NCBP3: variants seen among roughly 807,000 people sequenced by gnomAD.
NCBP3 encodes nuclear cap binding subunit 3.
In NCBP3, 20 loss-of-function variants were observed where a neutral mutation model predicts 75.7. That is an observed-to-expected ratio of 0.26 (90% confidence interval 0.19 to 0.38). NCBP3 has a LOEUF of 0.38. Ranked by LOEUF, NCBP3 falls within the 10% of genes least tolerant of loss-of-function variation. The probability of loss-of-function intolerance (pLI) is 1.00; values close to 1 mark genes in which losing one functional copy is unlikely to be tolerated. For synonymous variants in NCBP3, 293 were observed against 290.5 expected (o/e 1.01, Z -0.09); for missense variants, 678 against 796.9 (o/e 0.85, Z 1.80).
At chr17:3,830,735 G>C (rs1220072169) in intron 3 of NCBP3, among the ~76,000 whole-genome samples, 2 of 151,904 alleles carry the variant, frequency 1.3e-5, no homozygotes, top group Non-Finnish European at 2.9e-5. Context: ...CTATAGGAGC[G>C]TACCACCACA....
chr17:3,821,887 A>T, intron 8 of NCBP3, 66 bp downstream of exon 8: 1 of 1,025,424 alleles, frequency 9.8e-7, no homozygotes, highest in South Asian at 1.4e-5. Flanking sequence ...ACATTTCACC[A>T]CGGAATACCA....
At chr17:3,819,284 G>A (rs866879298) in intron 9 of NCBP3, among the ~76,000 whole-genome samples, 2 of 152,158 alleles carry the variant, frequency 1.3e-5, no homozygotes, top group Non-Finnish European at 2.9e-5. Context: ...TGGGCCCAGC[G>A]CGGTGGCTCA....
At chr17:3,814,170 A>T (rs1378071219) in intron 12 of NCBP3, 152 bp downstream of exon 12, 1 of 767,154 alleles carries the variant, frequency 1.3e-6, no homozygotes, top group Non-Finnish European at 2.1e-6. Context: ...GCTGATGCTG[A>T]TGCTGACGAT....
rs922728657 is a variant in NCBP3 at position 3,802,962 on chromosome 17, G to A, written c.*10082C>T. 1 of 152,244 alleles carries A rather than the reference G, an allele frequency of 6.6e-6. No individual in the cohort carries two copies. Among genetic ancestry groups the A allele is most frequent in the Admixed American group, 6.5e-5 (1 of 15,284 alleles). The allele number at this position is 152,244 out of a possible 1,614,324, so 9.4% of individuals were successfully genotyped here. ...GACTCATCCTGCATCCATCCAGTAT[G>A]TATTTATCCAAGCGTCAGTGCCTCT... is the stretch of plus-strand genomic sequence containing the variant. On this transcript the variant is annotated 3_prime_UTR_variant, in exon 13 of 13. Coordinates refer to ENST00000389005, the MANE Select transcript of NCBP3 (RefSeq NM_001114118.3).
At chr17:3,827,430 T>C (rs2053808229) in intron 4 of NCBP3, among the ~76,000 whole-genome samples, 1 of 152,232 alleles carries the variant, frequency 6.6e-6, no homozygotes, top group Non-Finnish European at 1.5e-5. Context: ...ACGTGGATGA[T>C]GAAGGTATCC....
At chr17:3,828,395 A>C (rs2053823817) in intron 4 of NCBP3, among the ~76,000 whole-genome samples, 1 of 152,232 alleles carries the variant, frequency 6.6e-6, no homozygotes, top group Non-Finnish European at 1.5e-5. Flanking sequence ...AAGGTCTGCC[A>C]ATTCCCGATT....
At position 3,818,463 on chromosome 17, in the gene NCBP3, C is replaced by T. The variant is rs762032858; in HGVS notation, c.1110G>A (p.Val370=). 1 of 1,614,050 alleles carries T rather than the reference C, an allele frequency of 6.2e-7. No individual in the cohort carries two copies. The highest frequency in any genetic ancestry group is 8.5e-7 in the Non-Finnish European group (1 of 1,180,024). Residue 370 remains valine (V), a synonymous_variant, in exon 10 of 13, where the codon GTG becomes GTA. Transcript: ENST00000389005. The surrounding 1 kb of genome is among the most constrained non-coding windows in gnomAD (Gnocchi z 4.7). ...CCGGGAGCTCCTCGTGGTACTCTAC[C>T]ACCACTCTGTCATCTGCATCCATGT... ...DQDMDADDRV[V]VEYHEELPAL... is the part of the protein sequence containing the mutation.
At position 3,846,210 on chromosome 17, in the gene NCBP3, C is replaced by T. The variant is rs1597420971; in HGVS notation, c.14G>A (p.Arg5Gln). 2.1e-6 allele frequency: 3 copies of T among 1,449,020 alleles called. No individual in the cohort carries two copies. The highest frequency in any genetic ancestry group is 2.7e-6 in the Non-Finnish European group (3 of 1,106,170). The allele number at this position is 1,449,020 out of a possible 1,614,324, so 89.8% of individuals were successfully genotyped here. A position where few individuals can be genotyped will look rare whatever the true frequency, so the allele number is the denominator to read the frequency against. ...CGCCTTCACCGACACCCGCAGGCCC[C>T]GTACGGCCGCCATCGCTGCCTGCCG... is the stretch of plus-strand genomic sequence containing the variant. MAAV[R>Q]GLRVSVKAEA... is the part of the protein sequence containing the mutation. Residue 5 changes from arginine (R) to glutamine (Q), a missense_variant, in exon 1 of 13, where the codon CGG (arginine) becomes CAG (glutamine). By Grantham distance (43) the Arg-to-Gln change is conservative. Transcript: ENST00000389005. The surrounding 1 kb of genome is among the most constrained non-coding windows in gnomAD (Gnocchi z 4.6).
chr17:3,816,276 A>G lies in NCBP3; in HGVS notation c.1311-6T>C. ...TATCTGCCCTCATGGAGTTCCTTTA[A>G]AAAGGGGGTAGGATGGGGCACAGTT... On this transcript the variant is annotated splice_polypyrimidine_tract_variant and splice_region_variant and intron_variant, in intron 10 of 12. Coordinates refer to ENST00000389005, the MANE Select transcript of NCBP3 (RefSeq NM_001114118.3). 3.1e-6 allele frequency: 5 copies of G among 1,612,222 alleles called. No homozygotes were observed. The highest frequency in any genetic ancestry group is 4.2e-6 in the Non-Finnish European group (5 of 1,179,176).
chr17:3,814,301 T>C (rs1268582565), intron 12 of NCBP3, 21 bp downstream of exon 12: 1 of 1,612,168 alleles, frequency 6.2e-7, no homozygotes, highest in Non-Finnish European at 8.5e-7. Flanking sequence ...CCCATTCCCA[T>C]CCGTTTTAAG....
rs1383490381 is a variant in NCBP3 at position 3,812,882 on chromosome 17, T to C, written c.*162A>G. 8.3e-6 allele frequency: 12 copies of C among 1,441,680 alleles called. No homozygotes were observed. The highest frequency in any genetic ancestry group is 2.6e-4 in the Middle Eastern group (1 of 3,884). The allele number at this position is 1,441,680 out of a possible 1,614,324, so 89.3% of individuals were successfully genotyped here. On this transcript the variant is annotated 3_prime_UTR_variant, in exon 13 of 13. Transcript: ENST00000389005. ...AAAGATAGAGATGCCCTTGAAAATG[T>C]GTCACATTCTTAAGATGTCTTGCCG...
chr17:3,838,738 C>T (rs374495361), intron 3 of NCBP3, among the ~76,000 whole-genome samples: 23 of 152,346 alleles, frequency 1.5e-4, no homozygotes, highest in Middle Eastern at 3.4e-3. Flanking sequence ...ATTTATTAAA[C>T]TTCTTTGAGC....
rs768720440 is a variant in NCBP3, at chr17:3,818,340, A to C, written c.1233T>G (p.Ile411Met). The C allele has an allele frequency of 2.9e-5, 47 of 1,614,040 alleles. 1 individual carries two copies. In the South Asian group the frequency reaches 5.1e-4, roughly 17 times the overall value. The change falls in exon 10 of 13, where the codon ATT becomes ATG. Residue 411 changes from isoleucine to methionine, a missense_variant. By Grantham distance (10) the Ile-to-Met change is conservative. This residue lies in a region of NCBP3 where 365 missense variants were observed against 392.7 expected (regional missense o/e 0.93). Coordinates refer to ENST00000389005, the MANE Select transcript of NCBP3 (RefSeq NM_001114118.3). The surrounding 1 kb of genome is among the most constrained non-coding windows in gnomAD (Gnocchi z 4.7). ...EMDYDLELKM[I>M]STPSPKKSMK... is the part of the protein sequence containing the mutation. ...TGCTTTTCTTTGGTGAAGGCGTGGA[A>C]ATCATTTTCAGTTCTAGATCATAGT...
chr17:3,822,080 G>T, intron 7 of NCBP3, 28 bp from the exon 8 acceptor site: 5 of 1,432,800 alleles, frequency 3.5e-6, no homozygotes, highest in Non-Finnish European at 3.9e-6. Context: ...TAGTTACCTA[G>T]GATTTCCTGT....
chr17:3,810,837 C>A lies in NCBP3; in HGVS notation c.*2207G>T, dbSNP rs576834592. 6.6e-6 allele frequency: 1 copy of A among 152,380 alleles called. No individual in the cohort carries two copies. Among genetic ancestry groups the A allele is most frequent in the South Asian group, 2.1e-4 (1 of 4,822 alleles). The allele number at this position is 152,380 out of a possible 1,614,324, so 9.4% of individuals were successfully genotyped here. A position where few individuals can be genotyped will look rare whatever the true frequency, so the allele number is the denominator to read the frequency against. On this transcript the variant is annotated 3_prime_UTR_variant, in exon 13 of 13. Transcript: ENST00000389005. The stretch of plus-strand genomic sequence containing the variant: ...CTCCTTCCAGAATGGCTTCGCTGAT[C>A]TGTAGCAGGAGACTGCTGAGTGCTG...
chr17:3,813,355 T>C, intron 12 of NCBP3, 76 bp from the exon 13 acceptor site: 1 of 1,525,444 alleles, frequency 6.6e-7, no homozygotes, highest in East Asian at 2.3e-5. Flanking sequence ...GCAGCAGCAC[T>C]GCCAACACCT....
At chr17:3,820,479 TA>T (rs1402397078) in intron 9 of NCBP3, among the ~76,000 whole-genome samples, 1 of 151,956 alleles carries the variant, frequency 6.6e-6, no homozygotes, top group Admixed American at 6.6e-5. Flanking sequence ...TCTTTTACAA[TA>T]AGCACCAAAA....
Position 3,813,045 on chromosome 17 carries a change from C to T in NCBP3, c.1862G>A (p.Ter621=). 2 of 1,614,154 alleles carry T rather than the reference C, an allele frequency of 1.2e-6. No individual in the cohort carries two copies. Among genetic ancestry groups the T allele is most frequent in the South Asian group, 1.1e-5 (1 of 91,068 alleles). ...CAGCTGCCATAGGCCCCAGGGGCATCAGGACTCTGCCTCTGAACCAGAGCT... is the reference window on the plus strand; with the variant it reads ...CAGCTGCCATAGGCCCCAGGGGCATTAGGACTCTGCCTCTGAACCAGAGCT... ...ESSSGSEAES[*] The change falls in exon 13 of 13, where the codon TGA becomes TAA. Residue 621 remains the stop codon, a stop_retained_variant. Coordinates refer to ENST00000389005, the MANE Select transcript of NCBP3 (RefSeq NM_001114118.3).
rs1336148550 is a variant in NCBP3 at position 3,809,967 on chromosome 17, G to A, written c.*3077C>T. 1.3e-5 allele frequency: 2 copies of A among 152,170 alleles called. No homozygotes were observed. The allele number at this position is 152,170 out of a possible 1,614,324, so 9.4% of individuals were successfully genotyped here. ...TATCCAGAACAGGCAAATCCACAGAGAGAGAAGGAAGATCAGTGGTGGCCA... is the reference window on the plus strand; with the variant it reads ...TATCCAGAACAGGCAAATCCACAGAAAGAGAAGGAAGATCAGTGGTGGCCA... On this transcript the variant is annotated 3_prime_UTR_variant, in exon 13 of 13. Coordinates refer to ENST00000389005, the MANE Select transcript of NCBP3 (RefSeq NM_001114118.3).
Sources: gnomAD v4.1 joint callset for allele counts (sites outside exome capture counted in the v4.1 genomes callset) on GRCh38, gnomAD v4.1.1 for gene constraint, gnomAD v4.1.1 regional missense constraint, Gnocchi (gnomAD v3.1) non-coding constraint, MANE v1.5 for transcripts, NCBI Gene and HGNC (gene_info 2026-07-23, HGNC 2026-07-21) for gene names.